CAP2: variants seen among roughly 807,000 people sequenced by gnomAD.
CAP2 encodes the protein adenylyl cyclase-associated protein 2.
In CAP2, 24 loss-of-function variants were observed where a neutral mutation model predicts 57.7. That is an observed-to-expected ratio of 0.42 (90% CI 0.30 to 0.58). The LOEUF (loss-of-function observed/expected upper bound fraction) is 0.58, where lower values mean the gene tolerates loss of function less well. Among genes scored for constraint, CAP2 ranks in the 20% least tolerant of loss-of-function variants. The pLI is 0.22. For synonymous variants in CAP2, 194 were observed against 207.2 expected (o/e 0.94, Z 0.55); for missense variants, 501 against 590.3 (o/e 0.85, Z 1.57).
chr6:17,483,150 G>A (rs1761335181), intron 4 of CAP2, among the ~76,000 whole-genome samples: 7 of 151,980 alleles, frequency 4.6e-5, no homozygotes, highest in Admixed American at 4.6e-4. Flanking sequence ...CTGCCAGTTG[G>A]TGGGGTTTCA....
intron 8 of CAP2, among the ~76,000 whole-genome samples, chr6:17,540,158 C>A (rs902132794): frequency 2.6e-5 from 4 of 152,176 alleles, no homozygotes; most frequent in African/African-American, 9.7e-5. Flanking sequence ...TTATATCCCA[C>A]TATACTGGGC....
chr6:17,525,299 C>T (rs1242153100), intron 7 of CAP2, among the ~76,000 whole-genome samples: 2 of 152,048 alleles, frequency 1.3e-5, no homozygotes, highest in Admixed American at 1.3e-4. Context: ...TTTACCAGAA[C>T]TTTTTCATAA....
chr6:17,499,398 C>CAAAAAAAAAAAAAAA (rs71002217), intron 4 of CAP2, among the ~76,000 whole-genome samples: 2 of 69,566 alleles, frequency 2.9e-5, no homozygotes, highest in African/African-American at 1.0e-4. Flanking sequence ...GACTCCATCT[C>CAAAAAAAAAAAAAAA]AAAAAAAAAA....
intron 4 of CAP2, among the ~76,000 whole-genome samples, chr6:17,506,432 C>A (rs772462617): frequency 1.8e-4 from 27 of 152,066 alleles, no homozygotes; most frequent in South Asian, 6.2e-4. Context: ...GTGGGTGGAT[C>A]ATTTGAGGTC....
intron 11 of CAP2, among the ~76,000 whole-genome samples, chr6:17,546,121 G>A (rs1469058215): frequency 6.6e-6 from 1 of 152,210 alleles, no homozygotes; most frequent in Non-Finnish European, 1.5e-5. Context: ...TCACCACGCT[G>A]TCTTCCACAA....
chr6:17,490,178 G>A lies in CAP2; in HGVS notation c.301-16991G>A, dbSNP rs549701203. ...GCAGCTGCAGTGCAAATTGAGGGAAGATGACACTTTATTTTGTTCTGAACT... is the reference window on the plus strand; with the variant it reads ...GCAGCTGCAGTGCAAATTGAGGGAAAATGACACTTTATTTTGTTCTGAACT... On this transcript the variant is annotated intron_variant, in intron 4 of 12. Coordinates refer to ENST00000229922, the MANE Select transcript of CAP2 (RefSeq NM_006366.3). Among the ~76,000 whole-genome samples the A allele has an allele frequency of 2.0e-5, 3 of 152,298 alleles. No individual in the cohort carries two copies. In the South Asian group the frequency reaches 6.2e-4, roughly 32 times the overall value.
chr6:17,403,722 A>G (rs555315833), intron 1 of CAP2, among the ~76,000 whole-genome samples: 1 of 152,316 alleles, frequency 6.6e-6, no homozygotes, highest in African/African-American at 2.4e-5. Flanking sequence ...ATTAAGATAA[A>G]CTTCTGTAGG....
At chr6:17,442,810 T>C (rs1191964783) in intron 3 of CAP2, among the ~76,000 whole-genome samples, 1 of 151,750 alleles carries the variant, frequency 6.6e-6, no homozygotes, top group Non-Finnish European at 1.5e-5. Flanking sequence ...CTCTTCCTCC[T>C]GGGTTCAAGC....
chr6:17,419,555 G>A (rs1250361633), intron 1 of CAP2, among the ~76,000 whole-genome samples: 1 of 152,180 alleles, frequency 6.6e-6, no homozygotes, highest in Non-Finnish European at 1.5e-5. Flanking sequence ...CTCAGAGGTT[G>A]CCTTAAAGAC....
At chr6:17,542,990 T>G (rs1220709905) in intron 10 of CAP2, 30 bp downstream of exon 10, 1 of 1,612,822 alleles carries the variant, frequency 6.2e-7, no homozygotes, top group Non-Finnish European at 8.5e-7. Context: ...CTATGGTTAT[T>G]ATGATGTTTT....
At chr6:17,482,144 T>C (rs1461597485) in intron 4 of CAP2, among the ~76,000 whole-genome samples, 1 of 152,230 alleles carries the variant, frequency 6.6e-6, no homozygotes, top group Non-Finnish European at 1.5e-5. Flanking sequence ...TGTAGGTGTA[T>C]TCGTCAGCTA....
intron 7 of CAP2, among the ~76,000 whole-genome samples, chr6:17,517,613 G>A (rs1367870454): frequency 3.9e-5 from 6 of 152,054 alleles, no homozygotes; most frequent in Admixed American, 3.9e-4. Flanking sequence ...TTTAAAATGT[G>A]TTATAAGCTA....
chr6:17,519,877 G>A (rs76542365), intron 7 of CAP2, among the ~76,000 whole-genome samples: 2,812 of 152,186 alleles, frequency 0.018, 86 homozygotes, highest in East Asian at 0.13. Flanking sequence ...TCAGATAAAG[G>A]TCATGTAAAG....
intron 6 of CAP2, among the ~76,000 whole-genome samples, chr6:17,512,137 CCCAG>C (rs1183505224): frequency 3.9e-5 from 6 of 152,012 alleles, no homozygotes; most frequent in African/African-American, 1.4e-4. Context: ...TGCCTGTAAT[CCCAG>C]CTCTTTGGGA....
At chr6:17,540,144 A>G (rs565594037) in intron 8 of CAP2, among the ~76,000 whole-genome samples, 1 of 152,334 alleles carries the variant, frequency 6.6e-6, no homozygotes, top group African/African-American at 2.4e-5. Flanking sequence ...GGCTTGTCAA[A>G]GAATTATATC....
chr6:17,411,051 A>C (rs1413132209), intron 1 of CAP2, among the ~76,000 whole-genome samples: 1 of 150,570 alleles, frequency 6.6e-6, no homozygotes, highest in Middle Eastern at 3.4e-3. Context: ...TACAATACAC[A>C]GTCTTCTTGT....
intron 4 of CAP2, among the ~76,000 whole-genome samples, chr6:17,484,749 A>G (rs1018750217): frequency 1.3e-5 from 2 of 152,148 alleles, no homozygotes; most frequent in Non-Finnish European, 2.9e-5. Context: ...CTTATGTAGA[A>G]TTGCCTATAG....
chr6:17,516,556 C>T (rs1470652505), intron 7 of CAP2, among the ~76,000 whole-genome samples: 2 of 152,192 alleles, frequency 1.3e-5, no homozygotes, highest in Middle Eastern at 6.3e-3. Flanking sequence ...CAAATTACCA[C>T]TAAAGAACTT....
intron 7 of CAP2, among the ~76,000 whole-genome samples, chr6:17,521,165 G>A (rs4716150): frequency 0.72 from 109,385 of 151,616 alleles, 39,549 homozygotes; most frequent in East Asian, 0.73. Flanking sequence ...CTGTAATCCC[G>A]GCATTTTGAG....
Sources: gnomAD v4.1 joint callset for allele counts (sites outside exome capture counted in the v4.1 genomes callset) on GRCh38, gnomAD v4.1.1 for gene constraint, MANE v1.5 for transcripts, NCBI Gene and HGNC (gene_info 2026-07-23, HGNC 2026-07-21) for gene names.